FYB2: variants seen among roughly 807,000 people sequenced by gnomAD.
FYB2 encodes FYN binding protein 2.
In FYB2, 103 loss-of-function variants were observed where a neutral mutation model predicts 94.1. The ratio of observed to expected loss-of-function variants is 1.09; its 90% CI spans 0.93 to 1.29. FYB2 has a LOEUF of 1.29. Ranked by LOEUF, FYB2 falls within the 50% of genes most tolerant of loss-of-function variation. The pLI is 0.00. For synonymous variants in FYB2, 293 were observed against 287.9 expected (o/e 1.02, Z -0.18); for missense variants, 896 against 841.5 (o/e 1.06, Z -0.80).
intron 4 of FYB2, among the ~76,000 whole-genome samples, chr1:56,769,617 G>T (rs183975068): frequency 6.6e-6 from 1 of 152,148 alleles, no homozygotes; most frequent in Admixed American, 6.5e-5. Flanking sequence ...TTTACGAGCA[G>T]GATGGAGATT....
At chr1:56,807,242 T>C (rs1172831291) in intron 1 of FYB2, among the ~76,000 whole-genome samples, 2 of 152,188 alleles carry the variant, frequency 1.3e-5, no homozygotes, top group Non-Finnish European at 2.9e-5. Context: ...AAAAGAAGGG[T>C]TGAATAACCT....
At chr1:56,742,463 T>A (rs2100620638) in intron 11 of FYB2, among the ~76,000 whole-genome samples, 1 of 152,240 alleles carries the variant, frequency 6.6e-6, no homozygotes, top group African/African-American at 2.4e-5. Context: ...AAATTTGAAC[T>A]GATTTAGTCA....
chr1:56,799,457 T>C (rs1052381405), intron 1 of FYB2, among the ~76,000 whole-genome samples: 1 of 152,132 alleles, frequency 6.6e-6, no homozygotes, highest in African/African-American at 2.4e-5. Flanking sequence ...TTTAAGACAC[T>C]TTCTCAGACT....
At chr1:56,801,685 T>C (rs1646523680) in intron 1 of FYB2, among the ~76,000 whole-genome samples, 1 of 152,156 alleles carries the variant, frequency 6.6e-6, no homozygotes, top group African/African-American at 2.4e-5. Context: ...GTGCCCCAAC[T>C]CCAGCAATGC....
Position 56,723,596 on chromosome 1 carries a change from T to C in FYB2, c.1966A>G (p.Arg656Gly). The change falls in exon 17 of 20, where the codon AGG becomes GGG. Residue 656 changes from arginine (R) to glycine (G), a missense_variant. Arg to Gly is a moderately radical substitution (Grantham distance 125). Transcript: ENST00000343433. ...TTCAGAAGAGAACGTACCTTAAACCTTTCTCTAAATAGTTTTTCTTCTCTT... is the reference window on the plus strand; with the variant it reads ...TTCAGAAGAGAACGTACCTTAAACCCTTCTCTAAATAGTTTTTCTTCTCTT... ...MKREEKLFRE[R>G]FKYDKEIIVI... 1 of 1,536,430 alleles carries C rather than the reference T, an allele frequency of 6.5e-7. No homozygotes were observed. The highest frequency in any genetic ancestry group is 9.0e-7 in the Non-Finnish European group (1 of 1,117,282).
intron 2 of FYB2, among the ~76,000 whole-genome samples, chr1:56,789,360 C>G (rs1646209004): frequency 6.6e-6 from 1 of 152,184 alleles, no homozygotes; most frequent in African/African-American, 2.4e-5. Flanking sequence ...CTACACCACA[C>G]AGCACCCATC....
In FYB2 at chr1:56,792,438, G is replaced by T; in HGVS notation, c.375C>A (p.Ile125=). 6.2e-7 allele frequency: 1 copy of T among 1,614,124 alleles called. No individual in the cohort carries two copies. Among genetic ancestry groups the T allele is most frequent in the African/African-American group, 1.3e-5 (1 of 75,022 alleles). The stretch of plus-strand genomic sequence containing the variant: ...TGGCCACCATTACTTTTTCCTTAGT[G>T]ATTATCTCAACATTTGATTGAGTCA... The part of the protein sequence containing the change: ...LEVTQSNVEI[I]TKEKVMVANS... The change falls in exon 2 of 20, where the codon ATC becomes ATA. Residue 125 remains isoleucine (I), a synonymous_variant. Transcript: ENST00000343433.
At chr1:56,723,729 T>A (rs752167980) in intron 16 of FYB2, 48 bp from the exon 17 acceptor site, 1 of 1,120,688 alleles carries the variant, frequency 8.9e-7, no homozygotes, top group Admixed American at 2.4e-5. Context: ...AATAAAACTT[T>A]TTAAGTTTCT....
upstream of FYB2, among the ~76,000 whole-genome samples, chr1:56,821,919 C>CT (rs1426433470): frequency 2.0e-5 from 3 of 152,080 alleles, no homozygotes; most frequent in African/African-American, 7.2e-5. Context: ...GAAGGTTGAC[C>CT]TAAGTTGCAA....
At chr1:56,775,219 C>G (rs968012395) in intron 4 of FYB2, among the ~76,000 whole-genome samples, 5 of 152,132 alleles carry the variant, frequency 3.3e-5, no homozygotes, top group African/African-American at 1.2e-4. Flanking sequence ...ATGACTTCTA[C>G]TACAACAACA....
chr1:56,743,882 C>T, intron 11 of FYB2, 144 bp downstream of exon 11: 1 of 786,970 alleles, frequency 1.3e-6, no homozygotes, highest in Non-Finnish European at 2.0e-6. Flanking sequence ...GCTGTTAGCA[C>T]ATATCTTGGT....
chr1:56,788,763 G>A (rs113812252), intron 3 of FYB2: 22 of 610,308 alleles, frequency 3.6e-5, no homozygotes, highest in African/African-American at 3.3e-4. Flanking sequence ...GTGCTCTCAG[G>A]GGAAGTGGGC....
chr1:56,745,960 C>T (rs1433305660), intron 9 of FYB2, among the ~76,000 whole-genome samples: 7 of 151,924 alleles, frequency 4.6e-5, no homozygotes, highest in African/African-American at 1.7e-4. Flanking sequence ...CATTCATATC[C>T]TAGATACACA....
intron 15 of FYB2, among the ~76,000 whole-genome samples, chr1:56,727,022 C>T (rs959621435): frequency 2.6e-4 from 39 of 151,898 alleles, no homozygotes; most frequent in African/African-American, 8.9e-4. Context: ...AGCCAACTAG[C>T]ATGTAACATT....
intron 6 of FYB2, among the ~76,000 whole-genome samples, chr1:56,757,923 C>T (rs1286371575): frequency 7.2e-6 from 1 of 138,140 alleles, no homozygotes; most frequent in Non-Finnish European, 1.5e-5. Flanking sequence ...GCATATACCA[C>T]CACTCCTGGC....
At chr1:56,780,174 C>A (rs1241040137) in intron 4 of FYB2, among the ~76,000 whole-genome samples, 2 of 152,082 alleles carry the variant, frequency 1.3e-5, no homozygotes, top group Non-Finnish European at 2.9e-5. Flanking sequence ...AAACTAGGCC[C>A]CAAGTCTGCA....
In FYB2 at chr1:56,755,133, G is replaced by C. The variant is rs1389779997; in HGVS notation, c.1130+763C>G. On this transcript the variant is annotated intron_variant, in intron 7 of 19. Coordinates refer to ENST00000343433, the MANE Select transcript of FYB2 (RefSeq NM_001004303.5). ...GCTAGAAACAGACTCTGAAGAGGCAGGTAAGAGCACTACTATGTGCCAGGG... is the reference window on the plus strand; with the variant it reads ...GCTAGAAACAGACTCTGAAGAGGCACGTAAGAGCACTACTATGTGCCAGGG... Among the ~76,000 whole-genome samples, 4 of 152,196 alleles carry C rather than the reference G, an allele frequency of 2.6e-5. No individual in the cohort carries two copies. In the South Asian group the frequency reaches 6.2e-4, roughly 24 times the overall value.
At chr1:56,764,409 A>AT (rs56753584) in intron 5 of FYB2, among the ~76,000 whole-genome samples, 31,005 of 145,402 alleles carry the variant, frequency 0.21, 3,605 homozygotes, top group East Asian at 0.43. Flanking sequence ...AGCTCTTTTC[A>AT]TTTTTTTTTT....
intron 11 of FYB2, among the ~76,000 whole-genome samples, chr1:56,743,131 A>G (rs571883860): frequency 1.2e-4 from 18 of 152,016 alleles, no homozygotes; most frequent in Non-Finnish European, 2.5e-4. Flanking sequence ...ATTAACTATA[A>G]TCACTGTTGT....
Sources: gnomAD v4.1 joint callset for allele counts (sites outside exome capture counted in the v4.1 genomes callset) on GRCh38, gnomAD v4.1.1 for gene constraint, MANE v1.5 for transcripts, NCBI Gene and HGNC (gene_info 2026-07-23, HGNC 2026-07-21) for gene names.